EYS: variants seen among roughly 807,000 people sequenced by gnomAD.
The protein encoded by EYS is EGF-like photoreceptor maintenance factor.
EYS carries 250 observed loss-of-function variants against 282.1 expected under a neutral mutation model. The observed-to-expected ratio is 0.89, with a 90% confidence interval of 0.80 to 0.98. The LOEUF (loss-of-function observed/expected upper bound fraction) is 0.98, where lower values mean the gene tolerates loss of function less well. EYS is among the 50% of genes least tolerant of loss of function. EYS has a pLI of 0.00. For synonymous variants in EYS, 1,355 were observed against 1,282.9 expected (o/e 1.06, Z -1.20); for missense variants, 4,016 against 3,709.0 (o/e 1.08, Z -2.15).
At chr6:65,342,473 CATT>C (rs1260876186) in intron 10 of EYS, among the ~76,000 whole-genome samples, 1 of 150,638 alleles carries the variant, frequency 6.6e-6, no homozygotes, top group Admixed American at 6.6e-5. Flanking sequence ...ATTTAGTCAA[CATT>C]AAGAACTTAC....
Position 63,721,411 on chromosome 6 carries a change from A to G in EYS, c.8620T>C (p.Cys2874Arg), listed in dbSNP as rs1768383457. The change falls in exon 43 of 43, where the codon TGT becomes CGT. Residue 2874 changes from cysteine to arginine, a missense_variant. Transcript: ENST00000503581. ...TTGTACCCACAGGCTGTCCCATCAC[A>G]GTCACCTACATTTGAGCCACCTTTT... is the stretch of plus-strand genomic sequence containing the variant. ...GAKGGSNVGD[C>R]DGTACGYNTC... is the part of the protein sequence containing the mutation. The G allele has an allele frequency of 1.3e-6, 2 of 1,551,734 alleles. No individual in the cohort carries two copies. The highest frequency in any genetic ancestry group is 1.7e-6 in the Non-Finnish European group (2 of 1,146,940).
At chr6:63,949,616 G>C (rs1765506681) in intron 35 of EYS, among the ~76,000 whole-genome samples, 1 of 152,010 alleles carries the variant, frequency 6.6e-6, no homozygotes, top group Admixed American at 6.6e-5. Context: ...TTGTATAACT[G>C]TCTGCTGATA....
chr6:65,349,937 AT>A (rs1489289200), intron 9 of EYS, among the ~76,000 whole-genome samples: 3 of 151,502 alleles, frequency 2.0e-5, no homozygotes, highest in Non-Finnish European at 4.4e-5. Flanking sequence ...AGTCCAATGC[AT>A]TTTAACATTT....
chr6:65,581,330 T>A (rs894457666), intron 2 of EYS, among the ~76,000 whole-genome samples: 14 of 152,140 alleles, frequency 9.2e-5, no homozygotes, highest in Non-Finnish European at 1.8e-4. Context: ...AAAAACTGAC[T>A]TATTGTACAG....
chr6:63,924,054 CA>C (rs1764647017), intron 35 of EYS, among the ~76,000 whole-genome samples: 1 of 150,832 alleles, frequency 6.6e-6, no homozygotes, highest in South Asian at 2.1e-4. Context: ...ATAATAAATT[CA>C]AAAAGGAATT....
chr6:64,427,306 A>T (rs1374800344), intron 28 of EYS, among the ~76,000 whole-genome samples: 1 of 152,188 alleles, frequency 6.6e-6, no homozygotes, highest in Non-Finnish European at 1.5e-5. Flanking sequence ...ATGCAAGGTC[A>T]TAACAGAGAG....
At chr6:65,665,829 A>G (rs557308052) in intron 1 of EYS, among the ~76,000 whole-genome samples, 1 of 152,062 alleles carries the variant, frequency 6.6e-6, no homozygotes. Flanking sequence ...ATAAGTATGG[A>G]TAAACTTTGT....
chr6:65,671,246 G>A (rs150160939), intron 1 of EYS, among the ~76,000 whole-genome samples: 4 of 151,930 alleles, frequency 2.6e-5, no homozygotes, highest in Non-Finnish European at 4.4e-5. Flanking sequence ...GAAACAGAAC[G>A]ATCAAATTTG....
At chr6:64,915,748 A>G (rs1195013675) in intron 15 of EYS, among the ~76,000 whole-genome samples, 1 of 152,140 alleles carries the variant, frequency 6.6e-6, no homozygotes, top group Non-Finnish European at 1.5e-5. Flanking sequence ...ATATTATCCA[A>G]TTTGATACTT....
chr6:65,161,893 G>A (rs989379242), intron 12 of EYS, among the ~76,000 whole-genome samples: 5 of 151,070 alleles, frequency 3.3e-5, no homozygotes, highest in Admixed American at 2.6e-4. Context: ...AAATCCAGAT[G>A]GTTTCTGTAT....
intron 32 of EYS, among the ~76,000 whole-genome samples, chr6:64,067,766 A>G (rs1486798386): frequency 6.6e-6 from 1 of 152,180 alleles, no homozygotes; most frequent in Non-Finnish European, 1.5e-5. Flanking sequence ...ATCCCTTGCA[A>G]ATAATGAGGG....
At chr6:65,549,956 C>T (rs953577869) in intron 2 of EYS, among the ~76,000 whole-genome samples, 3 of 151,682 alleles carry the variant, frequency 2.0e-5, no homozygotes, top group Admixed American at 6.6e-5. Flanking sequence ...TGGAGTTGGC[C>T]AGAAATGTCT....
intron 21 of EYS, among the ~76,000 whole-genome samples, chr6:64,818,589 A>G (rs1764811154): frequency 6.6e-6 from 1 of 152,168 alleles, no homozygotes; most frequent in African/African-American, 2.4e-5. Flanking sequence ...AAGGCCCGAA[A>G]GCCCCTGACA....
At chr6:64,125,177 G>GCTCTCTCT (rs554215677) in intron 31 of EYS, among the ~76,000 whole-genome samples, 2 of 134,324 alleles carry the variant, frequency 1.5e-5, no homozygotes, top group African/African-American at 5.8e-5. Flanking sequence ...TCTCTCTCTC[G>GCTCTCTCT]CTCTCTCTCT....
chr6:65,266,322 A>G (rs1582080525), intron 12 of EYS, among the ~76,000 whole-genome samples: 1 of 151,954 alleles, frequency 6.6e-6, no homozygotes, highest in African/African-American at 2.4e-5. Context: ...TTGATAGAAT[A>G]GAAATTGATT....
intron 22 of EYS, among the ~76,000 whole-genome samples, chr6:64,748,774 A>T (rs1294278427): frequency 2.0e-5 from 3 of 152,134 alleles, no homozygotes; most frequent in Non-Finnish European, 4.4e-5. Flanking sequence ...AAATTTTTTA[A>T]TTTTTTATTG....
At chr6:63,982,780 G>T (rs547319742) in intron 35 of EYS, among the ~76,000 whole-genome samples, 1 of 151,850 alleles carries the variant, frequency 6.6e-6, no homozygotes, top group South Asian at 2.1e-4. Context: ...CAGGGCCATA[G>T]TAGGGTATGT....
intron 31 of EYS, among the ~76,000 whole-genome samples, chr6:64,196,456 G>A (rs899905146): frequency 1.3e-5 from 2 of 152,136 alleles, no homozygotes; most frequent in African/African-American, 4.8e-5. Context: ...TATGTTTATT[G>A]TGGCACTATT....
At chr6:64,981,367 T>C (rs912048789) in intron 14 of EYS, among the ~76,000 whole-genome samples, 2 of 151,284 alleles carry the variant, frequency 1.3e-5, no homozygotes, top group Non-Finnish European at 3.0e-5. Context: ...GTTTGTATGA[T>C]AGCCTACCAG....
Sources: allele counts gnomAD v4.1 joint callset (sites outside exome capture counted in the v4.1 genomes callset), GRCh38; gene constraint gnomAD v4.1.1; transcripts MANE v1.5; gene names NCBI Gene and HGNC (gene_info 2026-07-23, HGNC 2026-07-21).